Variants in RABGAP1L observed in about 807,000 individuals in gnomAD.
RABGAP1L encodes the protein RAB GTPase activating protein 1 like.
A neutral mutation model predicts 137.7 loss-of-function variants in RABGAP1L; 63 were observed. The ratio of observed to expected loss-of-function variants is 0.46; its 90% confidence interval spans 0.37 to 0.56. The LOEUF (loss-of-function observed/expected upper bound fraction) is 0.56. Ranked by LOEUF, RABGAP1L falls within the 20% of genes least tolerant of loss-of-function variation. The probability of loss-of-function intolerance (pLI) is 0.00; values close to 1 mark genes in which losing one functional copy is unlikely to be tolerated. For missense variants in RABGAP1L, 1,095 were observed against 1,244.0 expected, an observed-to-expected ratio of 0.88 and a Z score of 1.80; for synonymous variants, 431 against 433.7, an observed-to-expected ratio of 0.99 and a Z score of 0.08.
At chr1:174,908,860 C>T (rs1659564034) in intron 19 of RABGAP1L, among the ~76,000 whole-genome samples, 1 of 149,372 alleles carries the variant, frequency 6.7e-6, no homozygotes, top group Non-Finnish European at 1.5e-5. Context: ...TATTCTTGAA[C>T]AACCAATGGG....
At chr1:174,578,676 T>C (rs960617762) in intron 13 of RABGAP1L, among the ~76,000 whole-genome samples, 18 of 152,200 alleles carry the variant, frequency 1.2e-4, no homozygotes, top group African/African-American at 4.3e-4. Flanking sequence ...AAGTGTTACC[T>C]AGAAAAGATA....
chr1:174,175,738 G>T (rs1311107446), intron 1 of RABGAP1L, among the ~76,000 whole-genome samples: 2 of 150,396 alleles, frequency 1.3e-5, no homozygotes, highest in Non-Finnish European at 1.5e-5. Flanking sequence ...CGATTCTCCT[G>T]CCTCAGCCTC....
intron 18 of RABGAP1L, among the ~76,000 whole-genome samples, chr1:174,781,998 G>A (rs942468445): frequency 4.5e-4 from 69 of 152,192 alleles, no homozygotes; most frequent in African/African-American, 1.4e-3. Context: ...GTAAGGTAGC[G>A]TGATGCCTCC....
chr1:174,188,455 A>G (rs1039119605), intron 1 of RABGAP1L, among the ~76,000 whole-genome samples: 11 of 152,192 alleles, frequency 7.2e-5, no homozygotes, highest in African/African-American at 2.7e-4. Flanking sequence ...AATTGATGAG[A>G]TACATATAAA....
chr1:174,243,418 G>T (rs1671992168), intron 5 of RABGAP1L, among the ~76,000 whole-genome samples: 1 of 152,160 alleles, frequency 6.6e-6, no homozygotes, highest in South Asian at 2.1e-4. Flanking sequence ...ATTTTAGAAA[G>T]TATTACATTA....
chr1:174,445,046 C>G (rs1431844288), intron 13 of RABGAP1L, among the ~76,000 whole-genome samples: 1 of 152,050 alleles, frequency 6.6e-6, no homozygotes, highest in Non-Finnish European at 1.5e-5. Context: ...ATACCTACTT[C>G]ATAGAGTTTT....
chr1:174,212,584 A>T (rs1054299278), intron 1 of RABGAP1L, among the ~76,000 whole-genome samples: 13 of 152,136 alleles, frequency 8.5e-5, no homozygotes, highest in African/African-American at 2.9e-4. Context: ...GCCTACATCA[A>T]AAAAGAAGAA....
chr1:174,850,329 A>G (rs1386014856), intron 19 of RABGAP1L, among the ~76,000 whole-genome samples: 8 of 152,212 alleles, frequency 5.3e-5, no homozygotes, highest in Non-Finnish European at 8.8e-5. Context: ...CAGTCTTCCC[A>G]AATACATATG....
chr1:174,818,097 G>T, intron 19 of RABGAP1L, among the ~76,000 whole-genome samples: 1 of 152,242 alleles, frequency 6.6e-6, no homozygotes. Context: ...GGATACTGAA[G>T]TGAGATCTGA....
chr1:174,238,223 C>G (rs1256012396), intron 4 of RABGAP1L, among the ~76,000 whole-genome samples: 1 of 152,114 alleles, frequency 6.6e-6, no homozygotes, highest in Non-Finnish European at 1.5e-5. Context: ...TGAATGTCCT[C>G]CCGTAGCTCA....
At chr1:174,615,068 T>C (rs1355351120) in intron 13 of RABGAP1L, among the ~76,000 whole-genome samples, 1 of 152,238 alleles carries the variant, frequency 6.6e-6, no homozygotes, top group Non-Finnish European at 1.5e-5. Context: ...GAAGCCTTCT[T>C]CTCTCAACTC....
intron 13 of RABGAP1L, among the ~76,000 whole-genome samples, chr1:174,452,996 C>G (rs1243739910): frequency 1.3e-5 from 2 of 152,102 alleles, no homozygotes; most frequent in African/African-American, 2.4e-5. Flanking sequence ...TTTTGCAAAT[C>G]TATTTAAATT....
At chr1:174,279,796 T>C (rs1363829963) in intron 10 of RABGAP1L, among the ~76,000 whole-genome samples, 1 of 152,128 alleles carries the variant, frequency 6.6e-6, no homozygotes, top group Non-Finnish European at 1.5e-5. Flanking sequence ...ATTATGAGAC[T>C]TTTTTCCTGT....
intron 19 of RABGAP1L, among the ~76,000 whole-genome samples, chr1:174,918,401 A>G (rs1224764226): frequency 6.6e-6 from 1 of 152,180 alleles, no homozygotes; most frequent in Non-Finnish European, 1.5e-5. Context: ...GTTATCTTTA[A>G]TCTGTAGTCC....
In RABGAP1L at chr1:174,858,734, C is replaced by T. The variant is rs371839466; in HGVS notation, c.2340+46774C>T. ...TTTTATCCTTACCTAGACTATTAGA[C>T]CTTCACAATGGATTCTTAAGTCTGG... is the stretch of plus-strand genomic sequence containing the variant. On this transcript the variant is annotated intron_variant, in intron 19 of 25. Coordinates refer to ENST00000681986, the MANE Select transcript of RABGAP1L (RefSeq NM_001366446.1). 2.6e-5 allele frequency among the ~76,000 whole-genome samples: 4 copies of T among 152,282 alleles called. 1 individual carries two copies.
chr1:174,176,167 G>A (rs1390506398), intron 1 of RABGAP1L, among the ~76,000 whole-genome samples: 1 of 152,074 alleles, frequency 6.6e-6, no homozygotes, highest in Admixed American at 6.5e-5. Flanking sequence ...AGGTAATGTT[G>A]ATATTTTTCT....
intron 8 of RABGAP1L, among the ~76,000 whole-genome samples, chr1:174,273,005 T>C (rs1338402642): frequency 1.3e-5 from 2 of 152,076 alleles, no homozygotes; most frequent in Admixed American, 6.6e-5. Context: ...ATATTTAGTG[T>C]AAAAGTAGCA....
intron 18 of RABGAP1L, among the ~76,000 whole-genome samples, chr1:174,766,492 A>T (rs1334105276): frequency 6.6e-6 from 1 of 152,174 alleles, no homozygotes; most frequent in Non-Finnish European, 1.5e-5. Context: ...TGATTACTCT[A>T]GCTTTGTAAT....
At chr1:174,664,589 C>T (rs1027551706) in intron 14 of RABGAP1L, among the ~76,000 whole-genome samples, 1 of 152,076 alleles carries the variant, frequency 6.6e-6, no homozygotes, top group Non-Finnish European at 1.5e-5. Context: ...GAACCTACAA[C>T]TTAGGAAATA....
Sources: allele counts gnomAD v4.1 joint callset (sites outside exome capture counted in the v4.1 genomes callset), GRCh38; gene constraint gnomAD v4.1.1; transcripts MANE v1.5; gene names NCBI Gene and HGNC (gene_info 2026-07-23, HGNC 2026-07-21).